Variants in CNPY1 observed in about 807,000 individuals in gnomAD.
The protein encoded by CNPY1 is canopy FGF signaling regulator 1.
Under a neutral mutation model 14.4 loss-of-function variants are expected in CNPY1, and 14 were observed. The observed-to-expected ratio is 0.97, with a 90% CI of 0.64 to 1.52. The LOEUF (loss-of-function observed/expected upper bound fraction) is 1.52. Among genes scored for constraint, CNPY1 ranks in the 40% most tolerant of loss-of-function variants. CNPY1 has a pLI of 0.00. For missense variants in CNPY1, 129 were observed against 131.5 expected (o/e 0.98, Z 0.09); for synonymous variants, 43 against 46.5 (o/e 0.92, Z 0.31).
At chr7:155,540,689 C>T (rs998289901) in intron 2 of CNPY1, among the ~76,000 whole-genome samples, 1 of 152,234 alleles carries the variant, frequency 6.6e-6, no homozygotes, top group Non-Finnish European at 1.5e-5. Flanking sequence ...GGTGAACACA[C>T]GTTTCCTGGG....
At chr7:155,532,380 T>C (rs1054472754) in intron 2 of CNPY1, among the ~76,000 whole-genome samples, 1 of 150,524 alleles carries the variant, frequency 6.6e-6, no homozygotes, top group Non-Finnish European at 1.5e-5. Flanking sequence ...CCCAGCACTT[T>C]GGGAGGCCGA....
At chr7:155,509,409 G>A (rs757035885) in intron 2 of CNPY1, among the ~76,000 whole-genome samples, 41 of 152,156 alleles carry the variant, frequency 2.7e-4, no homozygotes, top group Non-Finnish European at 3.5e-4. Context: ...CACTGAGCAT[G>A]TAGCAAAAAG....
At chr7:155,542,383 G>T (rs768883863) in intron 2 of CNPY1, among the ~76,000 whole-genome samples, 1 of 152,150 alleles carries the variant, frequency 6.6e-6, no homozygotes, top group African/African-American at 2.4e-5. Flanking sequence ...ATGGGCGGGC[G>T]TAGGGAGCCA....
intron 2 of CNPY1, among the ~76,000 whole-genome samples, chr7:155,534,320 T>C (rs1034921973): frequency 6.7e-6 from 1 of 149,120 alleles, no homozygotes; most frequent in African/African-American, 2.5e-5. Flanking sequence ...CACACACACA[T>C]GCACACACAC....
chr7:155,508,056 A>C (rs1436293340), intron 3 of CNPY1, among the ~76,000 whole-genome samples: 2 of 152,254 alleles, frequency 1.3e-5, no homozygotes, highest in Non-Finnish European at 2.9e-5. Context: ...GTTAAAATAA[A>C]ATCTTTAAAA....
intron 2 of CNPY1, among the ~76,000 whole-genome samples, chr7:155,539,497 A>T (rs2116756386): frequency 6.6e-6 from 1 of 152,338 alleles, no homozygotes; most frequent in Admixed American, 6.5e-5. Flanking sequence ...TAGAATAGCC[A>T]GCCCTCTCAT....
chr7:155,531,702 T>G (rs1266517780), intron 2 of CNPY1, among the ~76,000 whole-genome samples: 1 of 152,190 alleles, frequency 6.6e-6, no homozygotes, highest in Non-Finnish European at 1.5e-5. Context: ...GAGCTTTCTC[T>G]GCATTCAGCT....
chr7:155,514,254 C>T (rs151230573), intron 2 of CNPY1, among the ~76,000 whole-genome samples: 45 of 152,318 alleles, frequency 3.0e-4, no homozygotes, highest in Non-Finnish European at 3.7e-4. Flanking sequence ...AAAAAGAGGA[C>T]GCTTCCGTGA....
At chr7:155,513,167 TGTTTA>T (rs1796559698) in intron 2 of CNPY1, among the ~76,000 whole-genome samples, 1 of 152,248 alleles carries the variant, frequency 6.6e-6, no homozygotes, top group South Asian at 2.1e-4. Flanking sequence ...TAGCATTGAC[TGTTTA>T]GTTTTATTAG....
At chr7:155,517,772 ATCT>A (rs769413020) in intron 2 of CNPY1, among the ~76,000 whole-genome samples, 52 of 152,306 alleles carry the variant, frequency 3.4e-4, no homozygotes, top group South Asian at 1.7e-3. Context: ...ATAGCCACAC[ATCT>A]TCTTGTCTTC....
At chr7:155,528,777 T>C (rs754017387) in intron 2 of CNPY1, among the ~76,000 whole-genome samples, 1 of 152,136 alleles carries the variant, frequency 6.6e-6, no homozygotes, top group African/African-American at 2.4e-5. Flanking sequence ...AAAACAACTT[T>C]GGGCTGGGCG....
chr7:155,519,623 C>T (rs143567119), intron 2 of CNPY1, among the ~76,000 whole-genome samples: 2 of 147,816 alleles, frequency 1.4e-5, no homozygotes, highest in Non-Finnish European at 3.0e-5. Flanking sequence ...CAAACCTGAC[C>T]TGTTATTGGT....
chr7:155,534,604 G>A (rs1420239776), intron 2 of CNPY1, among the ~76,000 whole-genome samples: 1 of 152,218 alleles, frequency 6.6e-6, no homozygotes, highest in African/African-American at 2.4e-5. Flanking sequence ...CACTCACAGC[G>A]TCGCGGGATG....
intron 4 of CNPY1, among the ~76,000 whole-genome samples, chr7:155,503,371 T>C (rs12538388): frequency 0.18 from 26,979 of 152,028 alleles, 2,823 homozygotes; most frequent in African/African-American, 0.29. Context: ...CTTTAGGATT[T>C]AAAGCAAGGC....
At chr7:155,507,217 C>T (rs1796348695) in intron 3 of CNPY1, 101 bp from the exon 4 acceptor site, 1 of 740,166 alleles carries the variant, frequency 1.4e-6, no homozygotes, top group Admixed American at 2.0e-5. Flanking sequence ...CATAGGAAAT[C>T]ATGTAACCAA....
chr7:155,515,617 G>C (rs548841499), intron 2 of CNPY1, among the ~76,000 whole-genome samples: 9 of 152,168 alleles, frequency 5.9e-5, no homozygotes, highest in African/African-American at 2.2e-4. Context: ...CTGGGGAGTC[G>C]ACTGGGGGAA....
chr7:155,509,554 G>A (rs1796458453), intron 2 of CNPY1, among the ~76,000 whole-genome samples: 2 of 152,098 alleles, frequency 1.3e-5, no homozygotes, highest in South Asian at 2.1e-4. Context: ...GAGCGAGAGA[G>A]AGAGCGCGCG....
intron 2 of CNPY1, among the ~76,000 whole-genome samples, chr7:155,533,330 A>G (rs979360376): frequency 7.2e-5 from 11 of 152,118 alleles, no homozygotes; most frequent in African/African-American, 2.7e-4. Context: ...GGCTCGGAAC[A>G]TGCCCGTTCG....
rs1796149234 is a variant in CNPY1 at position 155,502,538 on chromosome 7, A to C, written c.*530T>G. 6.6e-6 allele frequency: 1 copy of C among 152,346 alleles called. No homozygotes were observed. Among genetic ancestry groups the C allele is most frequent in the Admixed American group, 6.5e-5 (1 of 15,292 alleles). The allele number at this position is 152,346 out of a possible 1,614,324, so 9.4% of individuals were successfully genotyped here. On this transcript the variant is annotated 3_prime_UTR_variant, in exon 5 of 5. Coordinates refer to ENST00000636446, the MANE Select transcript of CNPY1 (RefSeq NM_001393663.1). Reference sequence around the variant, plus strand: ...GTTTTTAAACTTGTGGTTTCTAAAAATTTTAATTTCATTCCTGATAAAAAG... The same window carrying C: ...GTTTTTAAACTTGTGGTTTCTAAAACTTTTAATTTCATTCCTGATAAAAAG...
Sources: gnomAD v4.1 joint callset for allele counts (sites outside exome capture counted in the v4.1 genomes callset) on GRCh38, gnomAD v4.1.1 for gene constraint, MANE v1.5 for transcripts, NCBI Gene and HGNC (gene_info 2026-07-23, HGNC 2026-07-21) for gene names.